Variants in ATG7 observed in about 807,000 individuals in gnomAD.
The protein encoded by ATG7 is autophagy related 7.
In ATG7, 70 loss-of-function variants were observed where a neutral mutation model predicts 82.4. That is an observed-to-expected ratio of 0.85 (90% CI 0.70 to 1.04). The LOEUF is 1.04. ATG7 is among the 50% of genes least tolerant of loss of function. The pLI, the probability that ATG7 is intolerant of heterozygous loss-of-function variation, is 0.00. For synonymous variants in ATG7, 287 were observed against 313.0 expected (o/e 0.92, Z 0.88); for missense variants, 792 against 864.3 (o/e 0.92, Z 1.05).
At position 11,519,720 on chromosome 3, in the gene ATG7, C is replaced by T. The variant is rs565517574; in HGVS notation, c.2080-35091C>T. ...GACCACAGGCGCCCGTCACCGCGCCCGGCTAATTTTTTTTGCATTTTTAGT... is the reference window on the plus strand; with the variant it reads ...GACCACAGGCGCCCGTCACCGCGCCTGGCTAATTTTTTTTGCATTTTTAGT... On this transcript the variant is annotated intron_variant, in intron 20 of 20. Coordinates refer to ENST00000693202, the MANE Select transcript of ATG7 (RefSeq NM_001349232.2). Among the ~76,000 whole-genome samples the T allele has an allele frequency of 4.6e-5, 7 of 151,700 alleles. No individual in the cohort carries two copies. The South Asian group carries it at 6.3e-4, about 14-fold the overall frequency.
In ATG7 at chr3:11,551,762, T is replaced by C. The variant is rs567124295; in HGVS notation, c.2080-3049T>C. Among the ~76,000 whole-genome samples, 98 of 151,414 alleles carry C rather than the reference T, an allele frequency of 6.5e-4. 1 individual carries two copies. Among genetic ancestry groups the C allele is most frequent in the African/African-American group, 2.3e-3 (96 of 41,154 alleles). ...TGGGTTCTTTTCTTTTCTTTTTTTT[T>C]TCTCGAGGCAGGGTCTCACCCTGTC... On this transcript the variant is annotated intron_variant, in intron 20 of 20. Coordinates refer to ENST00000693202, the MANE Select transcript of ATG7 (RefSeq NM_001349232.2).
chr3:11,459,918 A>C (rs1489985295), intron 20 of ATG7, among the ~76,000 whole-genome samples: 6 of 152,234 alleles, frequency 3.9e-5, no homozygotes, highest in African/African-American at 1.4e-4. Flanking sequence ...AATCCTTACA[A>C]GAGCCCTGTG....
At chr3:11,343,178 C>T (rs1384354000) in intron 13 of ATG7, among the ~76,000 whole-genome samples, 2 of 152,180 alleles carry the variant, frequency 1.3e-5, no homozygotes, top group African/African-American at 2.4e-5. Flanking sequence ...ATCCGCCTGC[C>T]TTGGCCTCCC....
intron 19 of ATG7, among the ~76,000 whole-genome samples, chr3:11,409,462 G>A (rs1035560479): frequency 6.6e-5 from 10 of 152,190 alleles, no homozygotes; most frequent in African/African-American, 1.9e-4. Context: ...TTCTGAACAC[G>A]TTTAAGGGAG....
intron 20 of ATG7, among the ~76,000 whole-genome samples, chr3:11,520,567 AAC>A (rs755940027): frequency 6.6e-6 from 1 of 152,038 alleles, no homozygotes; most frequent in Non-Finnish European, 1.5e-5. Flanking sequence ...GCCCTGGAGG[AAC>A]ACACACACAG....
intron 18 of ATG7, among the ~76,000 whole-genome samples, chr3:11,377,367 A>T (rs781543722): frequency 2.0e-5 from 3 of 152,184 alleles, no homozygotes; most frequent in Admixed American, 6.5e-5. Flanking sequence ...GGGCCTGCTG[A>T]ACGGTGGTGT....
At chr3:11,299,168 CAT>C (rs757831291) in intron 4 of ATG7, 192 bp from the exon 5 acceptor site, 4 of 611,186 alleles carry the variant, frequency 6.5e-6, no homozygotes, top group African/African-American at 1.8e-5. Flanking sequence ...GCGAATGTCT[CAT>C]ATTCACAAGA....
intron 13 of ATG7, among the ~76,000 whole-genome samples, chr3:11,343,217 C>G (rs1001168848): frequency 2.6e-5 from 4 of 152,186 alleles, no homozygotes; most frequent in Non-Finnish European, 5.9e-5. Context: ...GTGTGAGCCA[C>G]CACGCCTGGC....
rs1203549032 is a variant in ATG7 at position 11,554,792 on chromosome 3, T to G, written c.2080-19T>G. 3.8e-5 allele frequency: 61 copies of G among 1,612,666 alleles called. 1 individual carries two copies. The Admixed American group carries it at 1.0e-3, about 27-fold the overall frequency. Reference sequence around the variant, plus strand: ...GGCAGTGGGACATCTCGGCTGAGCCTCTCCCCTTCTCCATGCAGATCTGGG... The same window carrying G: ...GGCAGTGGGACATCTCGGCTGAGCCGCTCCCCTTCTCCATGCAGATCTGGG... On this transcript the variant is annotated intron_variant, in intron 20 of 20. Coordinates refer to ENST00000693202, the MANE Select transcript of ATG7 (RefSeq NM_001349232.2).
chr3:11,389,092 A>C (rs1376191996), intron 19 of ATG7, among the ~76,000 whole-genome samples: 1 of 151,990 alleles, frequency 6.6e-6, no homozygotes, highest in Non-Finnish European at 1.5e-5. Context: ...TACTAAAAAT[A>C]CAAAAATTAG....
At chr3:11,516,148 C>T (rs2092274407) in intron 20 of ATG7, among the ~76,000 whole-genome samples, 1 of 151,792 alleles carries the variant, frequency 6.6e-6, no homozygotes, top group African/African-American at 2.4e-5. Context: ...GGAAAGAATG[C>T]ATCCCCAACT....
intron 19 of ATG7, among the ~76,000 whole-genome samples, chr3:11,397,065 A>T (rs1055536733): frequency 6.6e-6 from 1 of 152,212 alleles, no homozygotes; most frequent in African/African-American, 2.4e-5. Context: ...AAGTCATGGT[A>T]AACTGAAACC....
At chr3:11,535,937 C>T (rs1423592462) in intron 20 of ATG7, among the ~76,000 whole-genome samples, 1 of 152,170 alleles carries the variant, frequency 6.6e-6, no homozygotes, top group East Asian at 1.9e-4. Context: ...AAGATGATTC[C>T]ATGTGGGATG....
At chr3:11,357,648 AT>A (rs1299705782) in intron 14 of ATG7, among the ~76,000 whole-genome samples, 2 of 152,172 alleles carry the variant, frequency 1.3e-5, no homozygotes, top group Non-Finnish European at 2.9e-5. Flanking sequence ...CCATATGGAG[AT>A]GTTTAACACT....
At chr3:11,295,874 T>G (rs1945817433) in intron 3 of ATG7, among the ~76,000 whole-genome samples, 1 of 151,722 alleles carries the variant, frequency 6.6e-6, no homozygotes, top group African/African-American at 2.4e-5. Flanking sequence ...GCAACCTCTG[T>G]CTCCTGCAGT....
rs748753444 is a variant in ATG7, at chr3:11,358,529, G to A, written c.1396G>A (p.Glu466Lys). The A allele has an allele frequency of 7.4e-6, 12 of 1,614,102 alleles. No individual in the cohort carries two copies. The highest frequency in any genetic ancestry group is 6.6e-5 in the South Asian group (6 of 91,082). ...RDVEQLEQLI[E>K]SHDVVFLLMD... ...TGTGGAGCAACTGGAGCAGCTCATC[G>A]AAAGCCATGATGTCGTCTTCCTATT... Residue 466 changes from glutamate (E) to lysine (K), a missense_variant, in exon 15 of 21, where the codon GAA becomes AAA. Physicochemically the swap from Glu to Lys is moderately conservative, Grantham distance 56. Transcript: ENST00000693202.
intron 7 of ATG7, among the ~76,000 whole-genome samples, chr3:11,309,349 G>A (rs945722278): frequency 1.3e-5 from 2 of 152,114 alleles, no homozygotes; most frequent in Admixed American, 6.5e-5. Flanking sequence ...TGTTGCTAAC[G>A]CCTTTGTTAA....
chr3:11,365,426 T>A (rs2076535445), intron 18 of ATG7, among the ~76,000 whole-genome samples: 1 of 152,234 alleles, frequency 6.6e-6, no homozygotes, highest in African/African-American at 2.4e-5. Context: ...TGGGATGATC[T>A]TTTAGAATTC....
intron 18 of ATG7, among the ~76,000 whole-genome samples, chr3:11,374,240 G>A (rs986726208): frequency 6.6e-6 from 1 of 152,114 alleles, no homozygotes; most frequent in African/African-American, 2.4e-5. Context: ...AGATAGTTAA[G>A]TACTCACATA....
Sources: allele counts gnomAD v4.1 joint callset (sites outside exome capture counted in the v4.1 genomes callset), GRCh38; gene constraint gnomAD v4.1.1; transcripts MANE v1.5; gene names NCBI Gene and HGNC (gene_info 2026-07-23, HGNC 2026-07-21).